Variants in CDK5RAP2 observed in about 807,000 individuals in gnomAD.
CDK5RAP2 encodes the protein CDK5 regulatory subunit-associated protein 2.
CDK5RAP2 carries 147 observed loss-of-function variants against 232.9 expected under a neutral mutation model. The ratio of observed to expected loss-of-function variants is 0.63; its 90% CI spans 0.55 to 0.72. The LOEUF (loss-of-function observed/expected upper bound fraction) is 0.72. Ranked by LOEUF, CDK5RAP2 falls within the 30% of genes least tolerant of loss-of-function variation. The probability of loss-of-function intolerance (pLI) is 0.00; values close to 1 mark genes in which losing one functional copy is unlikely to be tolerated. For synonymous variants in CDK5RAP2, 833 were observed against 833.7 expected, an observed-to-expected ratio of 1.00 and a Z score of 0.01; for missense variants, 2,195 against 2,231.5, an observed-to-expected ratio of 0.98 and a Z score of 0.33.
intron 4 of CDK5RAP2, among the ~76,000 whole-genome samples, chr9:120,550,493 A>G (rs1302830912): frequency 6.6e-6 from 1 of 152,212 alleles, no homozygotes; most frequent in Non-Finnish European, 1.5e-5. Flanking sequence ...AAACCATTCC[A>G]CCATTCCACT....
At chr9:120,556,812 C>T (rs1038754824) in intron 3 of CDK5RAP2, among the ~76,000 whole-genome samples, 2 of 152,162 alleles carry the variant, frequency 1.3e-5, no homozygotes, top group African/African-American at 4.8e-5. Flanking sequence ...CTACCCTTGG[C>T]CCTCTTGTTA....
chr9:120,486,988 T>C (rs187694371), intron 14 of CDK5RAP2, among the ~76,000 whole-genome samples: 30 of 152,274 alleles, frequency 2.0e-4, no homozygotes, highest in African/African-American at 7.0e-4. Context: ...TGAATTTAAA[T>C]AGGAACACTT....
chr9:120,439,394 C>T lies in CDK5RAP2; in HGVS notation c.3722+5G>A, dbSNP rs778113079. The T allele has an allele frequency of 4.3e-6, 7 of 1,612,438 alleles. No homozygotes were observed. In the Admixed American group the frequency reaches 5.0e-5, roughly 12 times the overall value. Reference sequence around the variant, plus strand: ...AAACGGGGAGACGGCAGAGGTGGAACGTACCTGGGAGGTGAGAGATCTCTG... The same window carrying T: ...AAACGGGGAGACGGCAGAGGTGGAATGTACCTGGGAGGTGAGAGATCTCTG... On this transcript the variant is annotated splice_donor_5th_base_variant and intron_variant, in intron 24 of 37. Transcript: ENST00000349780.
At chr9:120,539,610 T>C (rs936580315) in intron 5 of CDK5RAP2, among the ~76,000 whole-genome samples, 1 of 152,262 alleles carries the variant, frequency 6.6e-6, no homozygotes, top group African/African-American at 2.4e-5. Flanking sequence ...ATTTAACACA[T>C]TGTATCTGAC....
intron 7 of CDK5RAP2, among the ~76,000 whole-genome samples, chr9:120,534,736 C>T (rs989696942): frequency 6.6e-6 from 1 of 152,198 alleles, no homozygotes; most frequent in East Asian, 1.9e-4. Context: ...CCTTCACAGG[C>T]GCCAGGAATT....
At position 120,467,956 on chromosome 9, in the gene CDK5RAP2, G is replaced by T; in HGVS notation, c.2010C>A (p.Asp670Glu). Residue 670 changes from aspartate to glutamate, a missense_variant, in exon 18 of 38, where the codon GAC (aspartate) becomes GAA (glutamate). By Grantham distance (45) the Asp-to-Glu change is conservative. Transcript: ENST00000349780. Reference sequence around the variant, plus strand: ...AAATGGTTTTCTTCAGGTGCTGGTTGTCTGTATACAGCTCCTTCACTAGCT... The same window carrying T: ...AAATGGTTTTCTTCAGGTGCTGGTTTTCTGTATACAGCTCCTTCACTAGCT... ...LIQLVKELYT[D>E]NQHLKKTIFD... is the part of the protein sequence containing the mutation. 6 of 1,614,096 alleles carry T rather than the reference G, an allele frequency of 3.7e-6. No individual in the cohort carries two copies. The highest frequency in any genetic ancestry group is 5.1e-6 in the Non-Finnish European group (6 of 1,179,914).
chr9:120,512,325 A>C (rs1424972647), intron 12 of CDK5RAP2, among the ~76,000 whole-genome samples: 4 of 152,182 alleles, frequency 2.6e-5, no homozygotes, highest in Admixed American at 1.3e-4. Context: ...CAACAGCCTG[A>C]GTGACAGAGT....
At chr9:120,493,731 TA>T (rs1174619467) in intron 12 of CDK5RAP2, among the ~76,000 whole-genome samples, 7 of 152,148 alleles carry the variant, frequency 4.6e-5, no homozygotes, top group African/African-American at 1.7e-4. Context: ...TGAAAAACTC[TA>T]AAGAACAAAC....
chr9:120,505,914 G>C (rs2039788009), intron 12 of CDK5RAP2, among the ~76,000 whole-genome samples: 1 of 152,200 alleles, frequency 6.6e-6, no homozygotes, highest in African/African-American at 2.4e-5. Flanking sequence ...AAAAGTGTAA[G>C]GTAAAGTTAC....
chr9:120,470,881 C>T (rs777051462), intron 16 of CDK5RAP2, among the ~76,000 whole-genome samples: 6 of 152,018 alleles, frequency 3.9e-5, no homozygotes, highest in East Asian at 1.9e-4. Context: ...TTAACACACA[C>T]GTGTAAGAGC....
rs2037472654 is a variant in CDK5RAP2 at position 120,467,886 on chromosome 9, T to C, written c.2080A>G (p.Arg694Gly). 4 of 1,614,080 alleles carry C rather than the reference T, an allele frequency of 2.5e-6. 1 individual carries two copies. In the South Asian group the frequency reaches 4.4e-5, roughly 18 times the overall value. Residue 694 changes from arginine (R) to glycine (G), a missense_variant, in exon 18 of 38, where the codon AGA becomes GGA. Physicochemically the swap from Arg to Gly is moderately radical, Grantham distance 125. Transcript: ENST00000349780. ...MGFQGNGFPD[R>G]LASTEQTELL... ...TCTGTTTGTTCTGTAGACGCAAGTC[T>C]ATCTGGAAACCCATTTCCCTGGAAA...
intron 9 of CDK5RAP2, 60 bp from the exon 10 acceptor site, chr9:120,527,985 A>G (rs1025580393): frequency 6.3e-7 from 1 of 1,598,120 alleles, no homozygotes; most frequent in Non-Finnish European, 8.6e-7. Flanking sequence ...ATGCACCATA[A>G]ATATATCTTT....
intron 7 of CDK5RAP2, among the ~76,000 whole-genome samples, chr9:120,535,224 C>G (rs1306486952): frequency 6.6e-6 from 1 of 152,168 alleles, no homozygotes; most frequent in Non-Finnish European, 1.5e-5. Context: ...AATGCTGAAG[C>G]TAGGGCACTT....
chr9:120,481,718 GC>G (rs970344996), intron 14 of CDK5RAP2, among the ~76,000 whole-genome samples: 1 of 152,084 alleles, frequency 6.6e-6, no homozygotes, highest in Non-Finnish European at 1.5e-5. Context: ...TCACCGTGTT[GC>G]CCAGGATGGT....
intron 36 of CDK5RAP2, among the ~76,000 whole-genome samples, chr9:120,393,544 T>C (rs1211014998): frequency 8.5e-5 from 13 of 152,350 alleles, no homozygotes; most frequent in Middle Eastern, 3.4e-3. Flanking sequence ...GAAAAAGTGC[T>C]GCAGTCAGCA....
chr9:120,514,750 C>T (rs1281941157), intron 12 of CDK5RAP2, among the ~76,000 whole-genome samples: 1 of 152,194 alleles, frequency 6.6e-6, no homozygotes, highest in African/African-American at 2.4e-5. Flanking sequence ...ATAGTATACT[C>T]ACCCCAATCC....
chr9:120,469,315 C>A (rs142868654), intron 17 of CDK5RAP2, among the ~76,000 whole-genome samples: 1 of 152,292 alleles, frequency 6.6e-6, no homozygotes, highest in East Asian at 1.9e-4. Flanking sequence ...AGCTCACCCC[C>A]CCATCTCCCA....
intron 19 of CDK5RAP2, among the ~76,000 whole-genome samples, chr9:120,459,706 C>T (rs966848059): frequency 1.3e-5 from 2 of 152,158 alleles, no homozygotes; most frequent in Non-Finnish European, 1.5e-5. Context: ...CACTAATTAA[C>T]CAAGGTCACA....
intron 26 of CDK5RAP2, among the ~76,000 whole-genome samples, chr9:120,421,529 A>G (rs2034567135): frequency 6.6e-6 from 1 of 152,198 alleles, no homozygotes. Flanking sequence ...AATAAAATCT[A>G]CAAGTCTGCA....
Sources: allele counts gnomAD v4.1 joint callset (sites outside exome capture counted in the v4.1 genomes callset), GRCh38; gene constraint gnomAD v4.1.1; transcripts MANE v1.5; gene names NCBI Gene and HGNC (gene_info 2026-07-23, HGNC 2026-07-21).